The following ARHGAP11B variants were observed in gnomAD, a reference collection of about 807,000 sequenced individuals.
The protein encoded by ARHGAP11B is Rho GTPase activating protein 11B.
ARHGAP11B carries 14 observed loss-of-function variants against 27.6 expected under a neutral mutation model. That is an observed-to-expected ratio of 0.51 (90% confidence interval 0.34 to 0.79). ARHGAP11B has a LOEUF of 0.79. Ranked by LOEUF, ARHGAP11B falls within the 30% of genes least tolerant of loss-of-function variation. ARHGAP11B has a pLI of 0.02. For missense variants in ARHGAP11B, 245 were observed against 320.1 expected (o/e 0.77, Z 1.79); for synonymous variants, 82 against 114.1 (o/e 0.72, Z 1.80).
At chr15:30,631,488 C>A (rs1258827907) in intron 2 of ARHGAP11B, among the ~76,000 whole-genome samples, 1 of 151,916 alleles carries the variant, frequency 6.6e-6, no homozygotes, top group Non-Finnish European at 1.5e-5. Context: ...AAGCAAGACT[C>A]CATGTATAAA....
intron 2 of ARHGAP11B, among the ~76,000 whole-genome samples, chr15:30,632,282 G>C (rs1466783142): frequency 7.5e-6 from 1 of 132,736 alleles, no homozygotes; most frequent in Non-Finnish European, 1.6e-5. Flanking sequence ...TTAGCTGGGC[G>C]TAGTGATGTG....
exon 6 of ARHGAP11B, chr15:30,635,622 A>G: frequency 6.2e-7 from 1 of 1,613,556 alleles, no homozygotes; most frequent in Non-Finnish European, 8.5e-7. Context: ...AAGAGAAGAC[A>G]ACGTGTAGGA....
chr15:30,645,264 A>G (rs570140685), intron 8 of ARHGAP11B, among the ~76,000 whole-genome samples: 4 of 152,110 alleles, frequency 2.6e-5, no homozygotes, highest in African/African-American at 9.6e-5. Flanking sequence ...TAAGCTGTTA[A>G]ACTCAATTTG....
intron 9 of ARHGAP11B, among the ~76,000 whole-genome samples, chr15:30,646,936 T>C (rs1406503130): frequency 6.6e-6 from 1 of 151,946 alleles, no homozygotes; most frequent in Non-Finnish European, 1.5e-5. Flanking sequence ...GGCATTGCAC[T>C]CCAGCCTGGG....
At chr15:30,629,771 T>G (rs1037766646) in intron 1 of ARHGAP11B, among the ~76,000 whole-genome samples, 1 of 152,072 alleles carries the variant, frequency 6.6e-6, no homozygotes, top group Admixed American at 6.6e-5. Flanking sequence ...AAATGCTTCT[T>G]GGTTGATAAC....
intron 7 of ARHGAP11B, among the ~76,000 whole-genome samples, chr15:30,643,841 A>G (rs996323637): frequency 6.6e-6 from 1 of 152,052 alleles, no homozygotes; most frequent in Non-Finnish European, 1.5e-5. Flanking sequence ...AGTTTTGCAG[A>G]AGTTAGGTAT....
intron 2 of ARHGAP11B, 60 bp downstream of exon 2, chr15:30,630,833 A>G: frequency 6.2e-7 from 1 of 1,608,476 alleles, no homozygotes; most frequent in Non-Finnish European, 8.5e-7. Flanking sequence ...TAACCCCAGC[A>G]TTTTGAGAGG....
intron 7 of ARHGAP11B, among the ~76,000 whole-genome samples, chr15:30,644,076 C>T (rs561416370): frequency 2.6e-5 from 4 of 152,028 alleles, no homozygotes; most frequent in Admixed American, 1.3e-4. Context: ...AAACCCAGTG[C>T]CAACTATATC....
At chr15:30,644,173 C>T (rs2060331787) in intron 7 of ARHGAP11B, among the ~76,000 whole-genome samples, 1 of 151,858 alleles carries the variant, frequency 6.6e-6, no homozygotes, top group South Asian at 2.1e-4. Context: ...TAGTTATGTC[C>T]TGCCTCTTTT....
chr15:30,647,448 T>C (rs1475660102), intron 9 of ARHGAP11B, among the ~76,000 whole-genome samples: 2 of 151,930 alleles, frequency 1.3e-5, no homozygotes, highest in African/African-American at 2.4e-5. Flanking sequence ...ATTTAGAGAA[T>C]ATAAAGTGGT....
chr15:30,633,590 A>C lies in ARHGAP11B; in HGVS notation c.297+4A>C, dbSNP rs766752056. 31 of 1,602,932 alleles carry C rather than the reference A, an allele frequency of 1.9e-5. No homozygotes were observed. Among genetic ancestry groups the C allele is most frequent in the Non-Finnish European group, 2.6e-5 (30 of 1,175,428 alleles). On this transcript the variant is annotated splice_donor_region_variant and intron_variant, in intron 3 of 10. Coordinates refer to ENST00000428041, the Ensembl canonical transcript of ARHGAP11B. Reference sequence around the variant, plus strand: ...GATTCGCCTAAAAGCACTAAAGGTGAGCATATTGTTGAACTATAATTTTTC... The same window carrying C: ...GATTCGCCTAAAAGCACTAAAGGTGCGCATATTGTTGAACTATAATTTTTC...
chr15:30,628,271 C>T (rs941437175), intron 1 of ARHGAP11B, among the ~76,000 whole-genome samples: 25 of 151,578 alleles, frequency 1.6e-4, no homozygotes, highest in Non-Finnish European at 3.1e-4. Flanking sequence ...TTAGTAGAGA[C>T]GGGGTTTCAC....
chr15:30,649,026 A>G (rs1215823765), exon 11 of ARHGAP11B: 9 of 152,056 alleles, frequency 5.9e-5, no homozygotes, highest in Non-Finnish European at 1.2e-4. Flanking sequence ...ATACCCTTGA[A>G]TGGCGTGCCC....
intron 7 of ARHGAP11B, among the ~76,000 whole-genome samples, chr15:30,642,620 A>C (rs1219953476): frequency 1.3e-5 from 2 of 151,942 alleles, no homozygotes; most frequent in Non-Finnish European, 2.9e-5. Flanking sequence ...TATTTTATAT[A>C]GATAACAGTA....
At position 30,647,730 on chromosome 15, in the gene ARHGAP11B, A is replaced by C. The variant is rs2060359703; in HGVS notation, c.*371+16A>C. 3 of 209,514 alleles carry C rather than the reference A, an allele frequency of 1.4e-5. No individual in the cohort carries two copies. The South Asian group carries it at 2.5e-4, about 18-fold the overall frequency. The allele number at this position is 209,514 out of a possible 1,614,324, so 13.0% of individuals were successfully genotyped here. ...ACTGGGATATGTAAGTAACATTTAT[A>C]TTTTAAAAATTATTTTTCATGACTT... On this transcript the variant is annotated intron_variant, in intron 10 of 10. Transcript: ENST00000428041.
intron 8 of ARHGAP11B, among the ~76,000 whole-genome samples, chr15:30,645,416 A>T (rs1343973348): frequency 6.6e-6 from 1 of 152,000 alleles, no homozygotes; most frequent in African/African-American, 2.4e-5. Context: ...CCTGTGAAGG[A>T]TGTTTTTGAA....
intron 9 of ARHGAP11B, among the ~76,000 whole-genome samples, chr15:30,647,037 T>G (rs1302784664): frequency 6.6e-6 from 1 of 151,936 alleles, no homozygotes; most frequent in Non-Finnish European, 1.5e-5. Context: ...TGGAATGAAC[T>G]GCCCATGTGG....
intron 7 of ARHGAP11B, among the ~76,000 whole-genome samples, chr15:30,639,137 T>C (rs1015415029): frequency 4.6e-5 from 7 of 152,144 alleles, no homozygotes; most frequent in Non-Finnish European, 5.9e-5. Context: ...ATCTTAGGAC[T>C]AGAAGTTCAT....
At chr15:30,629,809 A>G (rs2060233329) in intron 1 of ARHGAP11B, among the ~76,000 whole-genome samples, 1 of 152,110 alleles carries the variant, frequency 6.6e-6, no homozygotes, top group African/African-American at 2.4e-5. Context: ...GTACTTCAGC[A>G]TTCACAGAGC....
Sources: allele counts gnomAD v4.1 joint callset (sites outside exome capture counted in the v4.1 genomes callset), GRCh38; gene constraint gnomAD v4.1.1; transcripts MANE v1.5; gene names NCBI Gene and HGNC (gene_info 2026-07-23, HGNC 2026-07-21).